SEMA4C: variants seen among roughly 807,000 people sequenced by gnomAD.
SEMA4C encodes the protein semaphorin-4C.
In SEMA4C, 19 loss-of-function variants were observed where a neutral mutation model predicts 89.0. The observed-to-expected ratio is 0.21, with a 90% CI of 0.15 to 0.31. SEMA4C has a LOEUF of 0.31. Among genes scored for constraint, SEMA4C ranks in the 10% least tolerant of loss-of-function variants. The probability of loss-of-function intolerance (pLI) is 1.00; values close to 1 mark genes in which losing one functional copy is unlikely to be tolerated. For synonymous variants in SEMA4C, 428 were observed against 472.7 expected (o/e 0.91, Z 1.23); for missense variants, 811 against 1,107.0 (o/e 0.73, Z 3.79).
At chr2:96,868,047 C>T (rs1462631565) in intron 1 of SEMA4C, 124 bp from the exon 2 acceptor site, 2 of 1,319,292 alleles carry the variant, frequency 1.5e-6, no homozygotes, top group Middle Eastern at 2.6e-4. Context: ...CCTCCTTCCC[C>T]TTCTCTTTGG....
chr2:96,863,851 C>T, intron 11 of SEMA4C, 57 bp from the exon 12 acceptor site: 1 of 1,601,300 alleles, frequency 6.2e-7, no homozygotes, highest in Non-Finnish European at 8.5e-7. Context: ...TGGGGCAGCT[C>T]CAAATCTCCC....
At chr2:96,870,543 G>A (rs2153366332), upstream of SEMA4C, 1 of 985,432 alleles carries the variant, frequency 1.0e-6, no homozygotes, top group East Asian at 1.1e-4. Flanking sequence ...GGACCAGAGG[G>A]GTCTGCCGTT....
In SEMA4C at chr2:96,861,990, C is replaced by T. The variant is rs1245525761; in HGVS notation, c.1444-96G>A. ...ACGCAGCATGGGGACAGCTTGGACT[C>T]CTGCAGGGGGCACAGCACGGGGCGC... On this transcript the variant is annotated intron_variant, in intron 12 of 14. Coordinates refer to ENST00000305476, the MANE Select transcript of SEMA4C (RefSeq NM_017789.5). This position sits in a 1 kb window ranked among gnomAD's most constrained non-coding sequence, Gnocchi z 7.8. 7.4e-7 allele frequency: 1 copy of T among 1,350,562 alleles called. No individual in the cohort carries two copies. Among genetic ancestry groups the T allele is most frequent in the African/African-American group, 1.4e-5 (1 of 69,530 alleles). 83.7% of individuals were successfully genotyped at this position (1,350,562 alleles called of 1,614,324 possible).
chr2:96,868,363 G>A (rs1218990591), intron 1 of SEMA4C: 1 of 950,990 alleles, frequency 1.1e-6, no homozygotes, highest in East Asian at 1.0e-4. Flanking sequence ...ACTCCTTAGG[G>A]CGACGAGGGC....
Position 96,870,039 on chromosome 2 carries a change from C to T in SEMA4C, c.-201G>A, listed in dbSNP as rs1391622681. ...CCGCCCGGCTCCGCGCCCCTAGGCT[C>T]GGGCTCCCCGCGCCACCACGGCGGG... On this transcript the variant is annotated 5_prime_UTR_variant, in exon 1 of 15. Coordinates refer to ENST00000305476, the MANE Select transcript of SEMA4C (RefSeq NM_017789.5). The T allele has an allele frequency of 2.0e-6, 2 of 982,178 alleles. No homozygotes were observed. The highest frequency in any genetic ancestry group is 1.1e-4 in the East Asian group (1 of 8,758). 60.8% of individuals were successfully genotyped at this position (982,178 alleles called of 1,614,324 possible). A position where few individuals can be genotyped will look rare whatever the true frequency, so the allele number is the denominator to read the frequency against.
At chr2:96,866,762 A>AC in intron 2 of SEMA4C, 1 of 428,286 alleles carries the variant, frequency 2.3e-6, no homozygotes, top group South Asian at 2.0e-5. Flanking sequence ...GGGCACCCCC[A>AC]CCCCACCTTC....
intron 1 of SEMA4C, chr2:96,868,521 C>G: frequency 1.0e-6 from 1 of 986,750 alleles, no homozygotes; most frequent in Non-Finnish European, 1.2e-6. Context: ...ATCAGCAGGG[C>G]AGGAGTGTGA....
At chr2:96,870,793 G>GCAGAACCACCGCCACCTT (rs1038142459), upstream of SEMA4C, 1 of 979,836 alleles carries the variant, frequency 1.0e-6, no homozygotes, top group Non-Finnish European at 1.2e-6. Flanking sequence ...GAGCCACGCT[G>GCAGAACCACCGCCACCTT]CAGAACCACC....
chr2:96,862,086 A>G, intron 12 of SEMA4C, 192 bp from the exon 13 acceptor site: 1 of 632,412 alleles, frequency 1.6e-6, no homozygotes, highest in Non-Finnish European at 2.7e-6. Flanking sequence ...CGCAGAACTC[A>G]GAGGGCTTAC....
upstream of SEMA4C, chr2:96,870,674 C>T: frequency 1.0e-6 from 1 of 985,552 alleles, no homozygotes; most frequent in South Asian, 4.7e-5. Context: ...GCTCCTGCTT[C>T]TCACGCTTTG....
intron 1 of SEMA4C, chr2:96,869,304 G>A (rs2080154435): frequency 3.7e-5 from 36 of 985,350 alleles, no homozygotes; most frequent in Non-Finnish European, 4.2e-5. Flanking sequence ...GTTGGGGGGA[G>A]GGGTGCGGGA....
intron 1 of SEMA4C, chr2:96,868,967 C>A: frequency 1.0e-6 from 1 of 985,370 alleles, no homozygotes; most frequent in Non-Finnish European, 1.2e-6. Context: ...TGCTCACCCC[C>A]AAACAAAGGG....
chr2:96,866,620 C>A, intron 2 of SEMA4C, 189 bp from the exon 3 acceptor site: 1 of 793,854 alleles, frequency 1.3e-6, no homozygotes, highest in Non-Finnish European at 2.1e-6. Context: ...TAGCCTTTCC[C>A]AGCCTGGGAG....
chr2:96,866,151 G>A (rs1317791978), intron 3 of SEMA4C, 132 bp downstream of exon 3: 2 of 1,326,974 alleles, frequency 1.5e-6, no homozygotes, highest in Non-Finnish European at 2.1e-6. Context: ...ACCCCAACCA[G>A]AGGGCAGGCC....
chr2:96,861,135 C>T lies in SEMA4C; in HGVS notation c.1993G>A (p.Val665Met), dbSNP rs145704940. ...CCCAGGGCCACCACCGCCAGCCACA[C>T]CAGCCCCAGGTTTTCCAGGGGGGCC... ...ARAPLENLGL[V>M]WLAVVALGAV... is the part of the protein sequence containing the mutation. The change falls in exon 15 of 15, where the codon GTG becomes ATG. Residue 665 changes from valine to methionine, a missense_variant. Coordinates refer to ENST00000305476, the MANE Select transcript of SEMA4C (RefSeq NM_017789.5). This position sits in a 1 kb window ranked among gnomAD's most constrained non-coding sequence, Gnocchi z 7.8. 2,318 of 1,611,672 alleles carry T rather than the reference C, an allele frequency of 1.4e-3. 4 individuals are homozygous for T. The highest frequency in any genetic ancestry group is 4.3e-3 in the Middle Eastern group (26 of 6,058).
intron 2 of SEMA4C, 155 bp from the exon 3 acceptor site, chr2:96,866,586 C>T: frequency 2.8e-6 from 3 of 1,056,504 alleles, no homozygotes; most frequent in Non-Finnish European, 2.8e-6. Flanking sequence ...GCCTTTGGCC[C>T]TGACAGCCCC....
chr2:96,870,448 A>G (rs2153366315), upstream of SEMA4C: 1 of 909,142 alleles, frequency 1.1e-6, no homozygotes, highest in Non-Finnish European at 1.3e-6. Context: ...CCGACCGTGC[A>G]GTTGCAGGAA....
In SEMA4C at chr2:96,860,408, G is replaced by C. The variant is rs1574140909; in HGVS notation, c.*218C>G. ...CCCGCGTGTCTGTGATTCACAGAGA[G>C]GAGGAAGATGCCTTCTGCGAGGCTG... is the stretch of plus-strand genomic sequence containing the variant. On this transcript the variant is annotated 3_prime_UTR_variant, in exon 15 of 15. Transcript: ENST00000305476. The C allele has an allele frequency of 1.7e-5, 9 of 534,054 alleles. No individual in the cohort carries two copies. The South Asian group carries it at 2.2e-4, about 13-fold the overall frequency. The allele number at this position is 534,054 out of a possible 1,614,324, so 33.1% of individuals were successfully genotyped here. A position where few individuals can be genotyped will look rare whatever the true frequency, so the allele number is the denominator to read the frequency against.
rs747244200 is a variant in SEMA4C, at chr2:96,860,876, C to G, written c.2252G>C (p.Arg751Pro). The change falls in exon 15 of 15, where the codon CGG (arginine) becomes CCG (proline). Residue 751 changes from arginine to proline, a missense_variant. Arg to Pro is a moderately radical substitution (Grantham distance 103). Around this residue, in one of 4 missense-constraint regions of SEMA4C, gnomAD observed 248 missense variants for 269.0 expected, o/e 0.92. Coordinates refer to ENST00000305476, the MANE Select transcript of SEMA4C (RefSeq NM_017789.5). ...AGGGGGCCCCCCACCGGGCTGGCAC[C>G]GGGCATGCCCAGGTACTATCTTAAG... The part of the protein sequence containing the change: ...GSLKIVPGHA[R>P]CQPGGGPPSP... The G allele has an allele frequency of 3.3e-5, 54 of 1,613,022 alleles. No individual in the cohort carries two copies. Among genetic ancestry groups the G allele is most frequent in the Non-Finnish European group, 4.2e-5 (50 of 1,180,012 alleles).
Sources: allele counts gnomAD v4.1 joint callset, GRCh38; gene constraint gnomAD v4.1.1; regional missense constraint gnomAD v4.1.1; non-coding constraint Gnocchi (gnomAD v3.1); transcripts MANE v1.5; gene names NCBI Gene and HGNC (gene_info 2026-07-23, HGNC 2026-07-21).